CNTN5: variants seen among roughly 807,000 people sequenced by gnomAD.
The protein encoded by CNTN5 is contactin-5.
CNTN5 carries 77 observed loss-of-function variants against 129.1 expected under a neutral mutation model. The observed-to-expected ratio is 0.60, with a 90% CI of 0.50 to 0.72. The LOEUF is 0.72. Among genes scored for constraint, CNTN5 ranks in the 30% least tolerant of loss-of-function variants. CNTN5 has a pLI of 0.00. For missense variants in CNTN5, 1,478 were observed against 1,328.8 expected (o/e 1.11, Z -1.75); for synonymous variants, 509 against 465.6 (o/e 1.09, Z -1.20).
chr11:100,045,545 G>T (rs78989928), intron 9 of CNTN5, among the ~76,000 whole-genome samples: 3,544 of 152,104 alleles, frequency 0.023, 58 homozygotes, highest in African/African-American at 0.045. Context: ...AAAGAATTAA[G>T]TTTTCTTTTC....
At position 99,676,167 on chromosome 11, in the gene CNTN5, A is replaced by G. The variant is rs1312515094; in HGVS notation, c.55+119898A>G. 2.0e-5 allele frequency among the ~76,000 whole-genome samples: 3 copies of G among 152,230 alleles called. No homozygotes were observed. In the East Asian group the frequency reaches 5.8e-4, roughly 29 times the overall value. ...GATTTATAATTATTGATTTTATTAC[A>G]TAATTTTCATGCTAGACCATGAGTT... On this transcript the variant is annotated intron_variant, in intron 3 of 24. Transcript: ENST00000524871.
chr11:100,321,340 T>A (rs557290400), intron 21 of CNTN5, among the ~76,000 whole-genome samples: 1 of 152,006 alleles, frequency 6.6e-6, no homozygotes, highest in East Asian at 1.9e-4. Flanking sequence ...GTTTCCTGAT[T>A]TCTTTTTCAG....
intron 2 of CNTN5, among the ~76,000 whole-genome samples, chr11:99,406,793 C>T (rs1305314373): frequency 6.6e-6 from 1 of 152,122 alleles, no homozygotes; most frequent in Non-Finnish European, 1.5e-5. Flanking sequence ...GCTCTTCTCT[C>T]CCATTTTCAA....
At chr11:99,490,945 G>A (rs890502389) in intron 2 of CNTN5, among the ~76,000 whole-genome samples, 3 of 152,066 alleles carry the variant, frequency 2.0e-5, no homozygotes, top group Non-Finnish European at 2.9e-5. Flanking sequence ...AGCTCACCGA[G>A]ATCTAACCAC....
chr11:99,563,670 G>T (rs899724150), intron 3 of CNTN5, among the ~76,000 whole-genome samples: 1 of 152,140 alleles, frequency 6.6e-6, no homozygotes, highest in African/African-American at 2.4e-5. Flanking sequence ...GCACTTGATG[G>T]TGTTATTTGG....
chr11:99,819,620 T>C lies in CNTN5; in HGVS notation c.132T>C (p.Ser44=). The C allele has an allele frequency of 6.2e-7, 1 of 1,613,058 alleles. No individual in the cohort carries two copies. Among genetic ancestry groups the C allele is most frequent in the Non-Finnish European group, 8.5e-7 (1 of 1,179,824 alleles). The change falls in exon 4 of 25, where the codon TCT becomes TCC. Residue 44 remains serine, a synonymous_variant. Transcript: ENST00000524871. The part of the protein sequence containing the change: ...LLRIKKSSSS[S]LFGSKTRPRY... ...GAATTAAGAAGAGTTCATCTTCATC[T>C]CTCTTTGGTTCCAAAACCAGACCAC...
At chr11:99,256,046 T>C (rs1256050504) in intron 1 of CNTN5, among the ~76,000 whole-genome samples, 4 of 152,150 alleles carry the variant, frequency 2.6e-5, no homozygotes, top group Non-Finnish European at 4.4e-5. Flanking sequence ...AAATGACAGA[T>C]AGTATTTTCT....
At chr11:99,439,976 G>A (rs557892411) in intron 2 of CNTN5, among the ~76,000 whole-genome samples, 84 of 152,050 alleles carry the variant, frequency 5.5e-4, no homozygotes, top group Middle Eastern at 3.5e-3. Context: ...TGGATCATTC[G>A]AATAAATCAG....
chr11:99,147,575 T>G (rs1394676464), intron 1 of CNTN5, among the ~76,000 whole-genome samples: 1 of 152,136 alleles, frequency 6.6e-6, no homozygotes, highest in Non-Finnish European at 1.5e-5. Context: ...TCACAAGAAA[T>G]TATGAATAAT....
At chr11:100,158,094 T>TTAGAATTAGGAAATTTTG (rs1182125120) in intron 13 of CNTN5, among the ~76,000 whole-genome samples, 8 of 151,768 alleles carry the variant, frequency 5.3e-5, no homozygotes, top group African/African-American at 1.9e-4. Flanking sequence ...AAAATCTGTA[T>TTAGAATTAGGAAATTTTG]TAGAATTAGG....
intron 9 of CNTN5, among the ~76,000 whole-genome samples, chr11:100,026,837 CTCT>C (rs1456175218): frequency 6.6e-6 from 1 of 151,400 alleles, no homozygotes; most frequent in Non-Finnish European, 1.5e-5. Context: ...TCTTTTTATT[CTCT>C]TGACAGTGTC....
intron 16 of CNTN5, among the ~76,000 whole-genome samples, chr11:100,249,613 G>A (rs1180901837): frequency 1.3e-5 from 2 of 152,106 alleles, no homozygotes; most frequent in African/African-American, 2.4e-5. Context: ...TGAATGAGTG[G>A]CATTTGTGTA....
At chr11:99,614,293 T>C (rs768196209) in intron 3 of CNTN5, among the ~76,000 whole-genome samples, 4 of 152,224 alleles carry the variant, frequency 2.6e-5, no homozygotes, top group Non-Finnish European at 5.9e-5. Flanking sequence ...ATTTCTCAGG[T>C]TTCCGAATCA....
At chr11:99,085,083 C>A (rs1426831189) in intron 1 of CNTN5, among the ~76,000 whole-genome samples, 2 of 151,694 alleles carry the variant, frequency 1.3e-5, no homozygotes, top group Non-Finnish European at 2.9e-5. Context: ...CTTTCTCTGC[C>A]ACCCAGGCTA....
chr11:100,138,070 G>C (rs200085857), intron 13 of CNTN5, among the ~76,000 whole-genome samples: 1 of 152,066 alleles, frequency 6.6e-6, no homozygotes, highest in African/African-American at 2.4e-5. Flanking sequence ...ATGAAGGACA[G>C]AGAGTCATCT....
intron 13 of CNTN5, among the ~76,000 whole-genome samples, chr11:100,168,501 C>G (rs1039639573): frequency 5.9e-5 from 9 of 151,932 alleles, no homozygotes; most frequent in Non-Finnish European, 1.0e-4. Flanking sequence ...ACAACAAAGA[C>G]TGGATAACAC....
At chr11:99,258,007 GT>G (rs1041107552) in intron 1 of CNTN5, among the ~76,000 whole-genome samples, 122 of 152,120 alleles carry the variant, frequency 8.0e-4, no homozygotes, top group African/African-American at 2.9e-3. Flanking sequence ...GAAATTCCTT[GT>G]TCTTCATGCT....
chr11:99,501,045 G>C (rs757037499), intron 2 of CNTN5, among the ~76,000 whole-genome samples: 3 of 152,052 alleles, frequency 2.0e-5, no homozygotes, highest in Non-Finnish European at 4.4e-5. Context: ...TATATTCTCT[G>C]TTTTGTGTGT....
chr11:99,451,992 T>G (rs993520242), intron 2 of CNTN5, among the ~76,000 whole-genome samples: 1 of 152,126 alleles, frequency 6.6e-6, no homozygotes, highest in African/African-American at 2.4e-5. Flanking sequence ...GAAGTACAAA[T>G]TGCTATGTGT....
Sources: allele counts gnomAD v4.1 joint callset (sites outside exome capture counted in the v4.1 genomes callset), GRCh38; gene constraint gnomAD v4.1.1; transcripts MANE v1.5; gene names NCBI Gene and HGNC (gene_info 2026-07-23, HGNC 2026-07-21).